CTNNA2: variants seen among roughly 807,000 people sequenced by gnomAD.
CTNNA2 encodes the protein catenin alpha-2.
CTNNA2 carries 42 observed loss-of-function variants against 101.0 expected under a neutral mutation model. The ratio of observed to expected loss-of-function variants is 0.42; its 90% CI spans 0.32 to 0.54. The LOEUF (loss-of-function observed/expected upper bound fraction) is 0.54. Ranked by LOEUF, CTNNA2 falls within the 20% of genes least tolerant of loss-of-function variation. The pLI is 0.14. For synonymous variants in CTNNA2, 450 were observed against 456.4 expected (o/e 0.99, Z 0.18); for missense variants, 871 against 1,223.1 (o/e 0.71, Z 4.29).
intron 9 of CTNNA2, among the ~76,000 whole-genome samples, chr2:80,475,067 T>G (rs1572981479): frequency 6.6e-6 from 1 of 152,318 alleles, no homozygotes; most frequent in East Asian, 1.9e-4. Flanking sequence ...ATTTTTCTGT[T>G]TGCCATTTTT....
chr2:79,670,921 G>T (rs1415339136), intron 2 of CTNNA2, among the ~76,000 whole-genome samples: 18 of 152,154 alleles, frequency 1.2e-4, no homozygotes, highest in Admixed American at 1.2e-3. Flanking sequence ...CTGTAAAGAA[G>T]TTTTCTCACA....
intron 7 of CTNNA2, among the ~76,000 whole-genome samples, chr2:80,386,147 T>C (rs6709792): frequency 1 from 152,305 of 152,320 alleles, 76,145 homozygotes; most frequent in Middle Eastern, 1. Flanking sequence ...GGATTATTTC[T>C]TTGAAAATGG....
At chr2:79,351,612 C>A (rs1677389232) in intron 3 of CTNNA2, among the ~76,000 whole-genome samples, 1 of 152,064 alleles carries the variant, frequency 6.6e-6, no homozygotes, top group South Asian at 2.1e-4. Flanking sequence ...CTTTTATTCC[C>A]CAGCATCTAT....
At chr2:80,229,348 A>G (rs1307322835) in intron 7 of CTNNA2, among the ~76,000 whole-genome samples, 1 of 152,154 alleles carries the variant, frequency 6.6e-6, no homozygotes, top group Admixed American at 6.5e-5. Context: ...TTCCAAGTCC[A>G]GTGCTGTCTG....
chr2:79,715,205 CAAAAAAA>C (rs140432724), intron 2 of CTNNA2, among the ~76,000 whole-genome samples: 40 of 66,314 alleles, frequency 6.0e-4, no homozygotes, highest in Admixed American at 2.1e-3. Flanking sequence ...AAAATTCCGT[CAAAAAAA>C]AAAAAAAAAA....
intron 3 of CTNNA2, among the ~76,000 whole-genome samples, chr2:79,808,609 T>C (rs184415416): frequency 1.5e-3 from 233 of 152,332 alleles, no homozygotes; most frequent in Non-Finnish European, 2.4e-3. Flanking sequence ...TTATGAATCA[T>C]GATTTTGGTT....
At chr2:80,613,894 T>C (rs892450171) in intron 17 of CTNNA2, among the ~76,000 whole-genome samples, 1 of 151,444 alleles carries the variant, frequency 6.6e-6, no homozygotes, top group Admixed American at 6.6e-5. Flanking sequence ...AATTTCTATT[T>C]TAGTTTGAGG....
intron 1 of CTNNA2, among the ~76,000 whole-genome samples, chr2:79,521,570 A>G (rs1192715024): frequency 6.6e-6 from 1 of 152,138 alleles, no homozygotes; most frequent in Non-Finnish European, 1.5e-5. Context: ...GGCTGGGACT[A>G]TGTATGGGAT....
chr2:80,481,327 A>C (rs1232255733), intron 9 of CTNNA2, among the ~76,000 whole-genome samples: 2 of 152,060 alleles, frequency 1.3e-5, no homozygotes, highest in Non-Finnish European at 2.9e-5. Flanking sequence ...ACATTGACTT[A>C]ACACCCCATT....
At chr2:79,200,475 T>A (rs753399876) in intron 2 of CTNNA2, among the ~76,000 whole-genome samples, 16 of 152,094 alleles carry the variant, frequency 1.1e-4, no homozygotes, top group Non-Finnish European at 2.2e-4. Context: ...ATTTACACTT[T>A]TGGGGTTCCA....
chr2:80,183,146 A>T (rs1461625261), intron 7 of CTNNA2, among the ~76,000 whole-genome samples: 1 of 152,184 alleles, frequency 6.6e-6, no homozygotes, highest in East Asian at 1.9e-4. Context: ...AAATGTCAAT[A>T]GATCCCCCCA....
chr2:80,200,061 A>G (rs960200646), intron 7 of CTNNA2, among the ~76,000 whole-genome samples: 1 of 152,232 alleles, frequency 6.6e-6, no homozygotes. Context: ...CTCGACAGCC[A>G]GTTCACTATC....
intron 2 of CTNNA2, among the ~76,000 whole-genome samples, chr2:79,236,695 A>T (rs1293016621): frequency 1.3e-5 from 2 of 152,212 alleles, no homozygotes; most frequent in African/African-American, 4.8e-5. Context: ...TTCTGTTGTC[A>T]TTTCAACAAT....
chr2:79,249,295 G>A (rs143101292), intron 2 of CTNNA2, among the ~76,000 whole-genome samples: 29 of 152,114 alleles, frequency 1.9e-4, no homozygotes, highest in Non-Finnish European at 3.8e-4. Flanking sequence ...AGTATCAGTC[G>A]CTATCATCTC....
chr2:80,480,877 T>C (rs1686089141), intron 9 of CTNNA2, among the ~76,000 whole-genome samples: 1 of 152,104 alleles, frequency 6.6e-6, no homozygotes, highest in Non-Finnish European at 1.5e-5. Flanking sequence ...GAAAGCACTT[T>C]AATAAGATAG....
At chr2:80,470,669 T>C (rs965956028) in intron 9 of CTNNA2, among the ~76,000 whole-genome samples, 4 of 152,176 alleles carry the variant, frequency 2.6e-5, no homozygotes, top group African/African-American at 9.7e-5. Context: ...GCTGTGTGTA[T>C]GGATACTGAG....
chr2:80,267,605 CA>C (rs1673101654), intron 7 of CTNNA2, among the ~76,000 whole-genome samples: 1 of 152,126 alleles, frequency 6.6e-6, no homozygotes, highest in South Asian at 2.1e-4. Flanking sequence ...AATGACAATA[CA>C]AGCTGGGAAG....
At chr2:80,614,948 AT>A (rs762529791) in intron 17 of CTNNA2, among the ~76,000 whole-genome samples, 9 of 150,966 alleles carry the variant, frequency 6.0e-5, no homozygotes, top group Non-Finnish European at 1.3e-4. Flanking sequence ...GAAACAGATT[AT>A]TTAGAATTGG....
intron 4 of CTNNA2, among the ~76,000 whole-genome samples, chr2:79,504,667 C>G (rs901894235): frequency 7.2e-5 from 11 of 152,094 alleles, no homozygotes; most frequent in Admixed American, 7.2e-4. Flanking sequence ...GCATATAAGT[C>G]ATAAGATTTT....
Sources: allele counts gnomAD v4.1 joint callset (sites outside exome capture counted in the v4.1 genomes callset), GRCh38; gene constraint gnomAD v4.1.1; transcripts MANE v1.5; gene names NCBI Gene and HGNC (gene_info 2026-07-23, HGNC 2026-07-21).